KDM2B: variants seen among roughly 807,000 people sequenced by gnomAD.
KDM2B encodes lysine demethylase 2B.
KDM2B carries 26 observed loss-of-function variants against 150.0 expected under a neutral mutation model. That is an observed-to-expected ratio of 0.17 (90% CI 0.13 to 0.24). The LOEUF is 0.24. KDM2B is among the 10% of genes least tolerant of loss of function. KDM2B has a pLI of 1.00. For missense variants in KDM2B, 1,265 were observed against 1,816.9 expected, an observed-to-expected ratio of 0.70 and a Z score of 5.52; for synonymous variants, 734 against 729.5, an observed-to-expected ratio of 1.01 and a Z score of -0.10.
At chr12:121,560,053 G>A (rs2136231052) in intron 4 of KDM2B, among the ~76,000 whole-genome samples, 1 of 152,278 alleles carries the variant, frequency 6.6e-6, no homozygotes, top group South Asian at 2.1e-4. Context: ...CACCCAGGCT[G>A]GAGTGCAATG....
At chr12:121,545,236 G>A (rs1888936612) in intron 6 of KDM2B, among the ~76,000 whole-genome samples, 1 of 152,078 alleles carries the variant, frequency 6.6e-6, no homozygotes, top group Non-Finnish European at 1.5e-5. Flanking sequence ...CTATTTCCAA[G>A]ATGACAATTT....
In KDM2B at chr12:121,450,573, AC is replaced by A. The variant is rs1240907563; in HGVS notation, c.1959+2546del. On this transcript the variant is annotated intron_variant, in intron 13 of 22. Transcript: ENST00000377071. ...TTGGTGGGGACACAGAGAAACAGGA[AC>A]CTTCATCGGGTGCGGTGGCTCACGC... is the stretch of plus-strand genomic sequence containing the variant. Among the ~76,000 whole-genome samples, 9 of 152,136 alleles carry A rather than the reference AC, an allele frequency of 5.9e-5. No individual in the cohort carries two copies. In the South Asian group the frequency reaches 1.2e-3, roughly 21 times the overall value.
At chr12:121,470,699 C>T (rs889553486) in intron 12 of KDM2B, 2 of 147,166 alleles carry the variant, frequency 1.4e-5, no homozygotes, top group African/African-American at 4.9e-5. Context: ...TCAACTGCAC[C>T]GCTCCAATGC....
chr12:121,486,270 G>A lies in KDM2B; in HGVS notation c.1734+8309C>T, dbSNP rs1403606000. On this transcript the variant is annotated intron_variant, in intron 12 of 22. Transcript: ENST00000377071. The stretch of plus-strand genomic sequence containing the variant: ...ATTACAGGTGCCCACCACCATGCCC[G>A]GCTAATTTTTGTATTTTTAGTAGAC... Among the ~76,000 whole-genome samples the A allele has an allele frequency of 4.0e-5, 6 of 150,002 alleles. 1 individual carries two copies. Among genetic ancestry groups the A allele is most frequent in the Non-Finnish European group, 7.4e-5 (5 of 67,760 alleles).
At chr12:121,425,177 G>A (rs1388777543), downstream of KDM2B, among the ~76,000 whole-genome samples, 4 of 151,890 alleles carry the variant, frequency 2.6e-5, no homozygotes, top group South Asian at 2.1e-4. Flanking sequence ...GCATGGTGGC[G>A]GGTCCCTGTA....
At chr12:121,560,468 T>C (rs1196029545) in intron 4 of KDM2B, among the ~76,000 whole-genome samples, 1 of 152,172 alleles carries the variant, frequency 6.6e-6, no homozygotes, top group East Asian at 1.9e-4. Flanking sequence ...CTCAGGCTGA[T>C]GCAGGAGGTG....
At position 121,549,780 on chromosome 12, in the gene KDM2B, A is replaced by C; in HGVS notation, c.398-142T>G. ...TCTTCCTCATCTGTTCAATTACCTC[A>C]CCCCATCGGCTTTCCTTCTGGGATC... On this transcript the variant is annotated intron_variant, in intron 4 of 22. Coordinates refer to ENST00000377071, the MANE Select transcript of KDM2B (RefSeq NM_032590.5). This position sits in a 1 kb window ranked among gnomAD's most constrained non-coding sequence, Gnocchi z 4.4. 1.0e-5 allele frequency: 7 copies of C among 673,284 alleles called. No individual in the cohort carries two copies. Among genetic ancestry groups the C allele is most frequent in the South Asian group, 8.7e-5 (3 of 34,654 alleles). 41.7% of individuals were successfully genotyped at this position (673,284 alleles called of 1,614,324 possible). A position where few individuals can be genotyped will look rare whatever the true frequency, so the allele number is the denominator to read the frequency against.
At chr12:121,506,569 C>T (rs181247105) in intron 11 of KDM2B, among the ~76,000 whole-genome samples, 19 of 152,092 alleles carry the variant, frequency 1.2e-4, no homozygotes, top group Admixed American at 1.2e-3. Context: ...CTGGGGAGGC[C>T]GAGGCAGGCG....
downstream of KDM2B, among the ~76,000 whole-genome samples, chr12:121,427,540 AAAAT>A (rs1417624557): frequency 6.6e-6 from 1 of 152,220 alleles, no homozygotes; most frequent in Non-Finnish European, 1.5e-5. Context: ...ACTCTGTCTC[AAAAT>A]AAATAAAATA....
At chr12:121,440,128 G>A (rs1409227952) in intron 21 of KDM2B, 53 bp from the exon 22 acceptor site, 3 of 1,405,580 alleles carry the variant, frequency 2.1e-6, no homozygotes, top group East Asian at 4.9e-5. Flanking sequence ...AGGAGGCCTG[G>A]TCATGCTGAC....
At chr12:121,444,866 C>G (rs1875872180) in intron 14 of KDM2B, 1 of 451,866 alleles carries the variant, frequency 2.2e-6, no homozygotes, top group South Asian at 2.3e-5. Flanking sequence ...ATGAGCTCAG[C>G]GCCTGGCATG....
downstream of KDM2B, among the ~76,000 whole-genome samples, chr12:121,426,444 TCCC>T (rs1246536927): frequency 8.8e-6 from 1 of 114,028 alleles, no homozygotes; most frequent in Admixed American, 8.5e-5. Context: ...TTCTACCCCC[TCCC>T]CCCCCTTTTT....
Position 121,482,989 on chromosome 12 carries a change from C to T in KDM2B, c.1734+11590G>A, listed in dbSNP as rs1454902305. On this transcript the variant is annotated intron_variant, in intron 12 of 22. Transcript: ENST00000377071. ...AAGACCAGTCTGGCCATGGTGAAAT[C>T]CTGCCTCCACTAAAAATACAAAAAT... is the stretch of plus-strand genomic sequence containing the variant. 2.0e-5 allele frequency among the ~76,000 whole-genome samples: 3 copies of T among 151,880 alleles called. No homozygotes were observed. The South Asian group carries it at 6.2e-4, about 32-fold the overall frequency.
chr12:121,457,479 C>T (rs562611092), intron 12 of KDM2B, among the ~76,000 whole-genome samples: 1 of 152,098 alleles, frequency 6.6e-6, no homozygotes, highest in Non-Finnish European at 1.5e-5. Flanking sequence ...CCAGGCTGGT[C>T]TCAAACTCCC....
At chr12:121,566,666 G>A (rs555499286) in intron 4 of KDM2B, among the ~76,000 whole-genome samples, 16 of 151,560 alleles carry the variant, frequency 1.1e-4, no homozygotes, top group African/African-American at 2.4e-4. Flanking sequence ...CATGGTGGCC[G>A]GCACCTGTAA....
intron 6 of KDM2B, among the ~76,000 whole-genome samples, chr12:121,544,174 G>A (rs1888836591): frequency 6.6e-6 from 1 of 151,518 alleles, no homozygotes; most frequent in Non-Finnish European, 1.5e-5. Context: ...TACTCAGGAG[G>A]CTGATGTAGG....
chr12:121,580,670 G>A (rs1891909044), intron 1 of KDM2B, 116 bp downstream of exon 1: 3 of 1,395,756 alleles, frequency 2.1e-6, no homozygotes, highest in Admixed American at 2.3e-5. Context: ...GCATGCTGGC[G>A]TGAAAGCCCC....
the KDM2B span, among the ~76,000 whole-genome samples, chr12:121,412,230 CTTTTTTTTTTTTT>C: frequency 2.0e-5 from 1 of 49,610 alleles, no homozygotes; most frequent in African/African-American, 7.9e-5. Flanking sequence ...CCCAACTAAT[CTTTTTTTTTTTTT>C]TTTTTTTTTT....
intron 17 of KDM2B, 199 bp downstream of exon 17, chr12:121,443,481 C>T: frequency 3.3e-6 from 2 of 601,426 alleles, no homozygotes; most frequent in Admixed American, 5.9e-5. Flanking sequence ...TCACAGCTTC[C>T]ATCCCAACCA....
Sources: gnomAD v4.1 joint callset for allele counts (sites outside exome capture counted in the v4.1 genomes callset) on GRCh38, gnomAD v4.1.1 for gene constraint, Gnocchi (gnomAD v3.1) non-coding constraint, MANE v1.5 for transcripts, NCBI Gene and HGNC (gene_info 2026-07-23, HGNC 2026-07-21) for gene names.